FGG: variants seen among roughly 807,000 people sequenced by gnomAD.
The protein encoded by FGG is fibrinogen, gamma polypeptide.
In FGG, 20 loss-of-function variants were observed where a neutral mutation model predicts 51.7. That is an observed-to-expected ratio of 0.39 (90% CI 0.27 to 0.56). The LOEUF (loss-of-function observed/expected upper bound fraction) is 0.56, where lower values mean the gene tolerates loss of function less well. FGG is among the 20% of genes least tolerant of loss of function. The pLI, the probability that FGG is intolerant of heterozygous loss-of-function variation, is 0.64. For synonymous variants in FGG, 184 were observed against 184.7 expected (o/e 1.00, Z 0.03); for missense variants, 460 against 534.2 (o/e 0.86, Z 1.37).
At chr4:154,604,154 G>A, downstream of FGG, 1 of 465,028 alleles carries the variant, frequency 2.2e-6, no homozygotes, top group Non-Finnish European at 3.8e-6. Context: ...GGAAACAAAA[G>A]GTTTATTGAA....
At chr4:154,610,931 C>A (rs1211839355) in intron 4 of FGG, among the ~76,000 whole-genome samples, 93 of 152,194 alleles carry the variant, frequency 6.1e-4, no homozygotes, top group Non-Finnish European at 5.9e-5. Context: ...ACCGTTCTTT[C>A]TTTGAAGTAA....
intron 6 of FGG, 102 bp downstream of exon 6, chr4:154,609,528 G>T: frequency 7.2e-7 from 1 of 1,398,094 alleles, no homozygotes; most frequent in Non-Finnish European, 1.0e-6. Context: ...CTATTGCAAG[G>T]ATTAAATGAG....
intron 6 of FGG, 120 bp downstream of exon 6, chr4:154,609,510 T>C: frequency 8.2e-7 from 1 of 1,221,268 alleles, no homozygotes; most frequent in Admixed American, 1.8e-5. Flanking sequence ...AGTACCTTCC[T>C]CTTAGGGCTA....
chr4:154,605,967 A>G (rs1192048822), intron 8 of FGG, among the ~76,000 whole-genome samples: 1 of 151,918 alleles, frequency 6.6e-6, no homozygotes, highest in Non-Finnish European at 1.5e-5. Flanking sequence ...TGGCTTTCCC[A>G]GGGTGGTGTT....
chr4:154,604,718 G>T lies in FGG; in HGVS notation c.*116C>A. ...AAATGAGTTTTAATTTCCATTGAAGGCTAAATGTCCTTAATAGAAGACTTG... is the reference window on the plus strand; with the variant it reads ...AAATGAGTTTTAATTTCCATTGAAGTCTAAATGTCCTTAATAGAAGACTTG... On this transcript the variant is annotated 3_prime_UTR_variant, in exon 9 of 9. Coordinates refer to ENST00000336098, the MANE Select transcript of FGG (RefSeq NM_021870.3). The T allele has an allele frequency of 1.3e-6, 2 of 1,533,278 alleles. No individual in the cohort carries two copies. Among genetic ancestry groups the T allele is most frequent in the Non-Finnish European group, 1.7e-6 (2 of 1,143,324 alleles). The allele number at this position is 1,533,278 out of a possible 1,614,324, so 95.0% of individuals were successfully genotyped here.
At chr4:154,607,144 A>G (rs1024801711) in intron 7 of FGG, among the ~76,000 whole-genome samples, 162 bp from the exon 8 acceptor site, 24 of 152,162 alleles carry the variant, frequency 1.6e-4, no homozygotes, top group Admixed American at 1.1e-3. Flanking sequence ...GAGGCAATAG[A>G]TATGTGAACC....
intron 6 of FGG, 149 bp from the exon 7 acceptor site, chr4:154,608,799 T>C (rs1002974266): frequency 2.9e-6 from 2 of 695,356 alleles, no homozygotes; most frequent in Non-Finnish European, 5.0e-6. Context: ...AGTTTCCTCA[T>C]GTATCAAATA....
rs1296922966 is a variant in FGG at position 154,604,748 on chromosome 4, C to A, written c.*86G>T. ...ATGTCCTTAATAGAAGACTTGAAAT[C>A]AATAAATATAGTAAGAGAAAAAAGG... is the stretch of plus-strand genomic sequence containing the variant. On this transcript the variant is annotated 3_prime_UTR_variant, in exon 9 of 9. Coordinates refer to ENST00000336098, the MANE Select transcript of FGG (RefSeq NM_021870.3). 1.9e-6 allele frequency: 3 copies of A among 1,591,130 alleles called. No individual in the cohort carries two copies. The highest frequency in any genetic ancestry group is 2.6e-6 in the Non-Finnish European group (3 of 1,171,204).
In FGG at chr4:154,610,176, A is replaced by G. The variant is rs1731181537; in HGVS notation, c.423T>C (p.Asn141=). ...SSIRYLQEIY[N]SNNQKIVNLK... is the part of the protein sequence containing the mutation. ...GGTTAACAATCTTTTGATTATTTGA[A>G]TTATATATTTCCTGCAAATATCTAC... The change falls in exon 5 of 9, where the codon AAT becomes AAC. Residue 141 remains asparagine, a synonymous_variant. Coordinates refer to ENST00000336098, the MANE Select transcript of FGG (RefSeq NM_021870.3). The G allele has an allele frequency of 1.9e-6, 3 of 1,588,190 alleles. No individual in the cohort carries two copies. The highest frequency in any genetic ancestry group is 1.7e-6 in the Non-Finnish European group (2 of 1,156,712).
At chr4:154,611,200 T>G (rs992708332) in intron 4 of FGG, 3 of 152,108 alleles carry the variant, frequency 2.0e-5, no homozygotes, top group African/African-American at 7.2e-5. Flanking sequence ...ATATTAAAAC[T>G]GTATCTGAGA....
intron 8 of FGG, among the ~76,000 whole-genome samples, chr4:154,605,494 G>T (rs1344284090): frequency 6.6e-6 from 1 of 152,100 alleles, no homozygotes; most frequent in Non-Finnish European, 1.5e-5. Context: ...TTTAGGAAAT[G>T]GTTCTGGCAT....
At chr4:154,605,834 G>A (rs1052171527) in intron 8 of FGG, among the ~76,000 whole-genome samples, 2 of 151,986 alleles carry the variant, frequency 1.3e-5, no homozygotes, top group Non-Finnish European at 2.9e-5. Context: ...GCTCATCTTG[G>A]TAGATGAGGA....
Position 154,604,824 on chromosome 4 carries a change from A to C in FGG, c.*10T>G, listed in dbSNP as rs1304123962. ...ACTTTGTGGGTCAATAGAAGTTAGC[A>C]GTTAATTTTCTACAAATCATCCTCA... On this transcript the variant is annotated 3_prime_UTR_variant, in exon 9 of 9. Transcript: ENST00000336098. 1.2e-6 allele frequency: 2 copies of C among 1,613,666 alleles called. No homozygotes were observed. Among genetic ancestry groups the C allele is most frequent in the Non-Finnish European group, 1.7e-6 (2 of 1,179,878 alleles).
In FGG at chr4:154,612,155, G is replaced by A. The variant is rs748671641; in HGVS notation, c.170C>T (p.Thr57Ile). 6.2e-7 allele frequency: 1 copy of A among 1,611,542 alleles called. No individual in the cohort carries two copies. The highest frequency in any genetic ancestry group is 8.5e-7 in the Non-Finnish European group (1 of 1,178,966). Residue 57 changes from threonine to isoleucine, a missense_variant, in exon 3 of 9, where the codon ACT becomes ATT. By Grantham distance (89) the Thr-to-Ile change is moderately conservative. This residue lies in a region of FGG where 353 missense variants were observed against 391.7 expected (regional missense o/e 0.90). Transcript: ENST00000336098. Reference sequence around the variant, plus strand: ...ATCCTTGTCTACTTTGGTTTGATAAGTAGACAGGAAATCTGCAATGCCACA... The same window carrying A: ...ATCCTTGTCTACTTTGGTTTGATAAATAGACAGGAAATCTGCAATGCCACA... ...TTCGIADFLSTYQTKVDKDLQ... is the reference protein window; with the variant it reads ...TTCGIADFLSIYQTKVDKDLQ...
chr4:154,607,624 G>A (rs942418722), intron 7 of FGG, among the ~76,000 whole-genome samples: 4 of 152,094 alleles, frequency 2.6e-5, no homozygotes, highest in African/African-American at 7.2e-5. Flanking sequence ...TAGAGTGGGG[G>A]AAAGGATGGG....
Position 154,611,871 on chromosome 4 carries a change from G to C in FGG, c.335C>G (p.Ser112Cys). The change falls in exon 4 of 9, where the codon TCC (serine) becomes TGC (cysteine). Residue 112 changes from serine to cysteine, a missense_variant. Coordinates refer to ENST00000336098, the MANE Select transcript of FGG (RefSeq NM_021870.3). ...PNMIDAATLK[S>C]RKMLEEIMKY... ...CATAATTTCTTCTAACATTTTCCTG[G>C]ACTTCAAAGTAGCAGCGTCTATCAT... 6.2e-7 allele frequency: 1 copy of C among 1,612,008 alleles called. No homozygotes were observed. Among genetic ancestry groups the C allele is most frequent in the Non-Finnish European group, 8.5e-7 (1 of 1,179,166 alleles).
chr4:154,608,440 AG>A (rs1256311251), intron 7 of FGG, 25 bp downstream of exon 7: 1 of 1,608,236 alleles, frequency 6.2e-7, no homozygotes, highest in East Asian at 2.2e-5. Flanking sequence ...TACAATAAAA[AG>A]TTGGAAGTCA....
In FGG at chr4:154,604,250, T is replaced by G. The variant is rs1471040683; in HGVS notation, c.*584A>C. 2 of 1,041,772 alleles carry G rather than the reference T, an allele frequency of 1.9e-6. No individual in the cohort carries two copies. The highest frequency in any genetic ancestry group is 2.7e-6 in the Non-Finnish European group (2 of 739,932). 64.5% of individuals were successfully genotyped at this position (1,041,772 alleles called of 1,614,324 possible). On this transcript the variant is annotated 3_prime_UTR_variant, in exon 9 of 9. Transcript: ENST00000336098. Reference sequence around the variant, plus strand: ...TTTGCTCTTAAAATGAAGTGAAGCTTTGCAAGTCCATTGTCCAATAGGAAA... The same window carrying G: ...TTTGCTCTTAAAATGAAGTGAAGCTGTGCAAGTCCATTGTCCAATAGGAAA...
At chr4:154,609,990 T>A in intron 5 of FGG, 77 bp downstream of exon 5, 1 of 1,591,412 alleles carries the variant, frequency 6.3e-7, no homozygotes, top group Non-Finnish European at 8.6e-7. Flanking sequence ...ACTATTCCTA[T>A]ACTTTCCAGT....
Sources: allele counts gnomAD v4.1 joint callset (sites outside exome capture counted in the v4.1 genomes callset), GRCh38; gene constraint gnomAD v4.1.1; regional missense constraint gnomAD v4.1.1; transcripts MANE v1.5; gene names NCBI Gene and HGNC (gene_info 2026-07-23, HGNC 2026-07-21).